PTPRE: variants seen among roughly 807,000 people sequenced by gnomAD.
PTPRE encodes protein tyrosine phosphatase receptor type E.
PTPRE carries 51 observed loss-of-function variants against 102.0 expected under a neutral mutation model. The ratio of observed to expected loss-of-function variants is 0.50; its 90% CI spans 0.40 to 0.63. The LOEUF (loss-of-function observed/expected upper bound fraction) is 0.63. Ranked by LOEUF, PTPRE falls within the 30% of genes least tolerant of loss-of-function variation. The probability of loss-of-function intolerance (pLI) is 0.00; values close to 1 mark genes in which losing one functional copy is unlikely to be tolerated. For synonymous variants in PTPRE, 345 were observed against 348.2 expected (o/e 0.99, Z 0.10); for missense variants, 752 against 915.1 (o/e 0.82, Z 2.30).
At chr10:128,076,070 T>C (rs987319438) in intron 17 of PTPRE, among the ~76,000 whole-genome samples, 2 of 152,262 alleles carry the variant, frequency 1.3e-5, no homozygotes, top group Non-Finnish European at 2.9e-5. Flanking sequence ...AATTGTTGCA[T>C]CGTGATTGGT....
intron 1 of PTPRE, among the ~76,000 whole-genome samples, chr10:127,928,707 T>C (rs909191646): frequency 5.9e-5 from 9 of 152,232 alleles, no homozygotes; most frequent in African/African-American, 1.7e-4. Context: ...AGGTGTTTAC[T>C]TGGAAATTTA....
intron 2 of PTPRE, among the ~76,000 whole-genome samples, chr10:127,991,274 C>T (rs558235818): frequency 1.3e-5 from 2 of 152,352 alleles, no homozygotes; most frequent in South Asian, 4.1e-4. Context: ...GAAGCCAACA[C>T]CGACATTCTG....
chr10:127,934,508 C>T (rs1225385558), intron 1 of PTPRE: 2 of 152,180 alleles, frequency 1.3e-5, no homozygotes, highest in African/African-American at 4.8e-5. Context: ...TTTGAGTTTC[C>T]CAGAATGCCG....
chr10:128,044,516 G>C (rs987411640), intron 3 of PTPRE, among the ~76,000 whole-genome samples: 4 of 152,222 alleles, frequency 2.6e-5, no homozygotes, highest in African/African-American at 9.6e-5. Context: ...TCACATTCAA[G>C]CCTAAGGTTT....
At chr10:127,922,331 C>T (rs569483438) in intron 1 of PTPRE, among the ~76,000 whole-genome samples, 2 of 152,374 alleles carry the variant, frequency 1.3e-5, no homozygotes, top group South Asian at 4.1e-4. Context: ...TCTTTGCCGC[C>T]GGACACCTAA....
In PTPRE at chr10:128,048,385, G is replaced by A. The variant is rs543567112; in HGVS notation, c.283+548G>A. 2.2e-4 allele frequency among the ~76,000 whole-genome samples: 34 copies of A among 152,246 alleles called. No individual in the cohort carries two copies. In the South Asian group the frequency reaches 6.6e-3, roughly 30 times the overall value. ...CATAGAGATGAGATGACCGAGAAAC[G>A]TGTGTAAGGCAGAGGCCACAAAAAT... is the stretch of plus-strand genomic sequence containing the variant. On this transcript the variant is annotated intron_variant, in intron 5 of 20. Transcript: ENST00000254667.
intron 1 of PTPRE, among the ~76,000 whole-genome samples, chr10:127,919,090 G>A (rs1846414851): frequency 6.6e-6 from 1 of 152,170 alleles, no homozygotes; most frequent in African/African-American, 2.4e-5. Flanking sequence ...GTACCATTCT[G>A]TGCTGGGCAG....
rs189011793 is a variant in PTPRE at position 127,945,064 on chromosome 10, C to A, written c.-30-37210C>A. Among the ~76,000 whole-genome samples, 206 of 152,274 alleles carry A rather than the reference C, an allele frequency of 1.4e-3. 1 individual carries two copies. Among genetic ancestry groups the A allele is most frequent in the African/African-American group, 4.6e-3 (191 of 41,558 alleles). ...GCCAGGAGTGCCTTGTGGCATGGAT[C>A]TGTTTATAAGCCTATCTCCTTCATT... On this transcript the variant is annotated intron_variant, in intron 1 of 20. Coordinates refer to ENST00000254667, the MANE Select transcript of PTPRE (RefSeq NM_006504.6).
chr10:128,050,495 A>C (rs1465712904), intron 6 of PTPRE, among the ~76,000 whole-genome samples: 1 of 152,146 alleles, frequency 6.6e-6, no homozygotes, highest in African/African-American at 2.4e-5. Context: ...ATGGATGGGC[A>C]GATAGAGAAG....
intron 1 of PTPRE, among the ~76,000 whole-genome samples, chr10:127,948,259 A>G (rs2135330073): frequency 6.6e-6 from 1 of 152,170 alleles, no homozygotes; most frequent in Middle Eastern, 3.4e-3. Flanking sequence ...ATTTTAGGGC[A>G]TTTTAAATTC....
rs114086155 is a variant in PTPRE, at chr10:127,932,033, A to G, written c.-31+24724A>G. On this transcript the variant is annotated intron_variant, in intron 1 of 20. Coordinates refer to ENST00000254667, the MANE Select transcript of PTPRE (RefSeq NM_006504.6). Reference sequence around the variant, plus strand: ...GTTTCAATACCGTCTTCAATGGTTAACGTTTCTTGGAACCATAAAGCTTAT... The same window carrying G: ...GTTTCAATACCGTCTTCAATGGTTAGCGTTTCTTGGAACCATAAAGCTTAT... 1.7e-3 allele frequency among the ~76,000 whole-genome samples: 264 copies of G among 152,326 alleles called. 1 individual carries two copies. The highest frequency in any genetic ancestry group is 6.0e-3 in the African/African-American group (249 of 41,570).
intron 2 of PTPRE, among the ~76,000 whole-genome samples, chr10:127,984,757 T>C (rs1332736226): frequency 6.6e-6 from 1 of 152,218 alleles, no homozygotes; most frequent in Non-Finnish European, 1.5e-5. Flanking sequence ...TCTCTTCTCT[T>C]GTCTGTGCCA....
intron 1 of PTPRE, among the ~76,000 whole-genome samples, chr10:127,943,037 A>G (rs907640236): frequency 4.6e-5 from 7 of 152,158 alleles, no homozygotes; most frequent in Non-Finnish European, 8.8e-5. Flanking sequence ...TCTCATGGAA[A>G]CACCAACACT....
chr10:128,019,405 C>G (rs528355993), intron 2 of PTPRE, among the ~76,000 whole-genome samples: 42 of 152,252 alleles, frequency 2.8e-4, no homozygotes, highest in African/African-American at 1.0e-3. Context: ...GGTCACTGCC[C>G]TCCTCTCATC....
intron 2 of PTPRE, among the ~76,000 whole-genome samples, chr10:128,039,965 T>G (rs1213844604): frequency 6.6e-6 from 1 of 152,108 alleles, no homozygotes; most frequent in African/African-American, 2.4e-5. Context: ...GAGTGCCAGG[T>G]GAAGATCTGA....
At chr10:128,067,136 C>T (rs1408364028) in intron 11 of PTPRE, among the ~76,000 whole-genome samples, 1 of 120,834 alleles carries the variant, frequency 8.3e-6, no homozygotes, top group South Asian at 3.0e-4. Context: ...CACGTTCACA[C>T]ACACATGTGC....
In PTPRE at chr10:128,068,170, C is replaced by T. The variant is rs778040591; in HGVS notation, c.891C>T (p.His297=). The T allele has an allele frequency of 3.1e-6, 5 of 1,614,030 alleles. No homozygotes were observed. The East Asian group carries it at 6.7e-5, about 22-fold the overall frequency. The part of the protein sequence containing the change: ...CKAPRLVSQL[H]FTSWPDFGVP... The stretch of plus-strand genomic sequence containing the variant: ...CCCCCAGGCTGGTCTCACAGCTGCA[C>T]TTCACCAGCTGGCCCGACTTCGGAG... Residue 297 remains histidine (H), a synonymous_variant, in exon 12 of 21, where the codon CAC becomes CAT. Coordinates refer to ENST00000254667, the MANE Select transcript of PTPRE (RefSeq NM_006504.6).
At chr10:128,073,302 A>G (rs1590233125) in intron 16 of PTPRE, 35 bp from the exon 17 acceptor site, 1 of 1,612,100 alleles carries the variant, frequency 6.2e-7, no homozygotes, top group South Asian at 1.1e-5. Context: ...GGATGGAAGG[A>G]AGTCAGACTC....
At chr10:127,925,156 T>G (rs1159715040) in intron 1 of PTPRE, among the ~76,000 whole-genome samples, 2 of 152,214 alleles carry the variant, frequency 1.3e-5, no homozygotes, top group African/African-American at 4.8e-5. Context: ...ACAGGAGGCC[T>G]TCAGTCCTTG....
Sources: allele counts gnomAD v4.1 joint callset (sites outside exome capture counted in the v4.1 genomes callset), GRCh38; gene constraint gnomAD v4.1.1; transcripts MANE v1.5; gene names NCBI Gene and HGNC (gene_info 2026-07-23, HGNC 2026-07-21).